FGD4: variants seen among roughly 807,000 people sequenced by gnomAD.
The protein encoded by FGD4 is FYVE, RhoGEF and PH domain-containing protein 4.
A neutral mutation model predicts 102.0 loss-of-function variants in FGD4; 42 were observed. The observed-to-expected ratio is 0.41, with a 90% CI of 0.32 to 0.53. The LOEUF (loss-of-function observed/expected upper bound fraction) is 0.53. FGD4 is among the 20% of genes least tolerant of loss of function. The pLI, the probability that FGD4 is intolerant of heterozygous loss-of-function variation, is 0.21. For synonymous variants in FGD4, 380 were observed against 375.7 expected (o/e 1.01, Z -0.13); for missense variants, 902 against 1,078.2 (o/e 0.84, Z 2.29).
intron 1 of FGD4, among the ~76,000 whole-genome samples, chr12:32,491,170 A>G (rs1944083333): frequency 6.7e-6 from 1 of 149,936 alleles, no homozygotes; most frequent in Non-Finnish European, 1.5e-5. Flanking sequence ...ATAAAATTGG[A>G]AAGGTATATA....
chr12:32,501,024 C>T (rs1938180499), intron 1 of FGD4, among the ~76,000 whole-genome samples: 1 of 152,180 alleles, frequency 6.6e-6, no homozygotes, highest in African/African-American at 2.4e-5. Flanking sequence ...CAGTGTCCAA[C>T]TTATTGAGAA....
At position 32,469,758 on chromosome 12, in the gene FGD4, C is replaced by T. The variant is rs932376659; in HGVS notation, c.166+69799C>T. ...CATCGCAACCTCTGCCTCCCAGGTT[C>T]AAGCAATTCTCCTGCTTTAGCCTCC... is the stretch of plus-strand genomic sequence containing the variant. On this transcript the variant is annotated intron_variant, in intron 1 of 16. Transcript: ENST00000534526. Among the ~76,000 whole-genome samples, 16 of 151,980 alleles carry T rather than the reference C, an allele frequency of 1.1e-4. 1 individual carries two copies. The highest frequency in any genetic ancestry group is 3.6e-4 in the African/African-American group (15 of 41,360).
At chr12:32,595,299 G>C (rs1186518534) in intron 4 of FGD4, among the ~76,000 whole-genome samples, 2 of 151,974 alleles carry the variant, frequency 1.3e-5, no homozygotes, top group Non-Finnish European at 2.9e-5. Flanking sequence ...AAATTTCATG[G>C]AGTATCCTGC....
chr12:32,503,638 A>C (rs770622372), intron 1 of FGD4, among the ~76,000 whole-genome samples: 15 of 152,186 alleles, frequency 9.9e-5, no homozygotes, highest in Non-Finnish European at 1.6e-4. Flanking sequence ...TAAGGTACAA[A>C]ATTAGTTTAG....
intron 2 of FGD4, among the ~76,000 whole-genome samples, chr12:32,565,948 T>G (rs1592243922): frequency 1.3e-5 from 2 of 152,320 alleles, no homozygotes; most frequent in Admixed American, 6.5e-5. Context: ...TGGCTAAAAT[T>G]TTAACCTCAC....
Position 32,616,005 on chromosome 12 carries a change from T to C in FGD4, c.1750-3693T>C, listed in dbSNP as rs564001685. Among the ~76,000 whole-genome samples, 17 of 152,202 alleles carry C rather than the reference T, an allele frequency of 1.1e-4. No individual in the cohort carries two copies. The South Asian group carries it at 3.1e-3, about 28-fold the overall frequency. ...CCTGGGAGGGGCAGTCCTGTCAGTG[T>C]CAACAAGGCCTTAAGATGCCTAAAA... On this transcript the variant is annotated intron_variant, in intron 10 of 16. Coordinates refer to ENST00000534526, the MANE Select transcript of FGD4 (RefSeq NM_001370298.3).
chr12:32,531,627 G>A (rs926553560), intron 1 of FGD4, among the ~76,000 whole-genome samples: 4 of 152,128 alleles, frequency 2.6e-5, no homozygotes, highest in African/African-American at 9.7e-5. Context: ...ATTGCTGTGT[G>A]GTATGCCATT....
chr12:32,607,812 C>A, intron 7 of FGD4, 145 bp from the exon 8 acceptor site: 1 of 840,710 alleles, frequency 1.2e-6, no homozygotes. Flanking sequence ...CTGTGCCTGG[C>A]CAGAAATCTG....
chr12:32,546,158 T>C (rs937091767), intron 1 of FGD4, among the ~76,000 whole-genome samples: 2 of 152,256 alleles, frequency 1.3e-5, no homozygotes, highest in African/African-American at 2.4e-5. Context: ...CAAATGCTAA[T>C]GGGTTCCCAC....
intron 2 of FGD4, among the ~76,000 whole-genome samples, chr12:32,567,542 A>T (rs1182696362): frequency 2.0e-5 from 3 of 152,184 alleles, no homozygotes. Flanking sequence ...TGCACGGGAC[A>T]GTCCACAACA....
At position 32,640,605 on chromosome 12, in the gene FGD4, A is replaced by C. The variant is rs1951115172; in HGVS notation, c.*72A>C. ...TCAAGACATTCCCAGCTCTTCTTAC[A>C]CATCTGCTAGCACTTTATGTTGAAA... On this transcript the variant is annotated 3_prime_UTR_variant, in exon 17 of 17. Coordinates refer to ENST00000534526, the MANE Select transcript of FGD4 (RefSeq NM_001370298.3). 3 of 1,605,054 alleles carry C rather than the reference A, an allele frequency of 1.9e-6. No individual in the cohort carries two copies. Among genetic ancestry groups the C allele is most frequent in the Non-Finnish European group, 1.7e-6 (2 of 1,174,780 alleles).
intron 1 of FGD4, among the ~76,000 whole-genome samples, chr12:32,542,840 G>A (rs1173901085): frequency 6.6e-6 from 1 of 152,120 alleles, no homozygotes; most frequent in East Asian, 1.9e-4. Flanking sequence ...GCTCCTAACT[G>A]GTGACTTTTC....
rs74072616 is a variant in FGD4 at position 32,533,255 on chromosome 12, T to C, written c.167-30882T>C. Among the ~76,000 whole-genome samples, 1,415 of 152,252 alleles carry C rather than the reference T, an allele frequency of 9.3e-3. 20 individuals are homozygous for C. Among genetic ancestry groups the C allele is most frequent in the African/African-American group, 0.032 (1,326 of 41,528 alleles). ...CTTTGATAGGGCACTCAGTGATGTA[T>C]GTCTTGATAACCCAGTAGGTGATTC... On this transcript the variant is annotated intron_variant, in intron 1 of 16. Transcript: ENST00000534526.
intron 1 of FGD4, among the ~76,000 whole-genome samples, chr12:32,562,694 C>T (rs1305750513): frequency 2.0e-5 from 3 of 152,208 alleles, no homozygotes; most frequent in Admixed American, 6.5e-5. Flanking sequence ...CCTGAGTGGA[C>T]ACAGCACATG....
At position 32,417,909 on chromosome 12, in the gene FGD4, C is replaced by G. The variant is rs1941480916; in HGVS notation, c.166+17950C>G. On this transcript the variant is annotated intron_variant, in intron 1 of 16. Coordinates refer to ENST00000534526, the MANE Select transcript of FGD4 (RefSeq NM_001370298.3). Reference sequence around the variant, plus strand: ...CTTTTGAATTCTTTGTCTGAAAGGTCACATATCTCTGTTTTTTTCCAGGAA... The same window carrying G: ...CTTTTGAATTCTTTGTCTGAAAGGTGACATATCTCTGTTTTTTTCCAGGAA... Among the ~76,000 whole-genome samples the G allele has an allele frequency of 3.2e-5, 4 of 125,060 alleles. No homozygotes were observed. In the South Asian group the frequency reaches 1.0e-3, roughly 32 times the overall value. 82.0% of individuals were successfully genotyped at this position (125,060 alleles called of 152,430 possible).
chr12:32,439,209 G>A (rs1942344522), intron 1 of FGD4, among the ~76,000 whole-genome samples: 3 of 152,162 alleles, frequency 2.0e-5, no homozygotes, highest in Admixed American at 2.0e-4. Context: ...ACATATAGTT[G>A]AGATCATGCA....
intron 1 of FGD4, among the ~76,000 whole-genome samples, chr12:32,538,988 A>G (rs1412856083): frequency 6.6e-6 from 1 of 152,094 alleles, no homozygotes; most frequent in Non-Finnish European, 1.5e-5. Flanking sequence ...CAGGAGGTGG[A>G]GGTTGCAGTG....
At chr12:32,436,842 G>A (rs1371867169) in intron 1 of FGD4, among the ~76,000 whole-genome samples, 1 of 152,172 alleles carries the variant, frequency 6.6e-6, no homozygotes, top group Non-Finnish European at 1.5e-5. Flanking sequence ...TGGGGGCCAG[G>A]CATGGTGGCT....
rs1304546336 is a variant in FGD4, at chr12:32,399,927, C to A, written c.134C>A (p.Ala45Asp). 6.6e-7 allele frequency: 1 copy of A among 1,513,086 alleles called. No homozygotes were observed. Among genetic ancestry groups the A allele is most frequent in the Non-Finnish European group, 8.8e-7 (1 of 1,136,972 alleles). 93.7% of individuals were successfully genotyped at this position (1,513,086 alleles called of 1,614,324 possible). A position where few individuals can be genotyped will look rare whatever the true frequency, so the allele number is the denominator to read the frequency against. Residue 45 changes from alanine (A) to aspartate (D), a missense_variant, in exon 1 of 17, where the codon GCC (alanine) becomes GAC (aspartate). Coordinates refer to ENST00000534526, the MANE Select transcript of FGD4 (RefSeq NM_001370298.3). The stretch of plus-strand genomic sequence containing the variant: ...CACCTGGGACGTGTAGGGACCGCTG[C>A]CTTCAAGGGCCAGGTGCCCTCAGGA... The part of the protein sequence containing the change: ...ASHLGRVGTA[A>D]FKGQVPSGAT...
Sources: allele counts gnomAD v4.1 joint callset (sites outside exome capture counted in the v4.1 genomes callset), GRCh38; gene constraint gnomAD v4.1.1; transcripts MANE v1.5; gene names NCBI Gene and HGNC (gene_info 2026-07-23, HGNC 2026-07-21).